The following MYO19 variants were observed in gnomAD, a reference collection of about 807,000 sequenced individuals.
MYO19 encodes the protein unconventional myosin-XIX.
MYO19 carries 132 observed loss-of-function variants against 129.2 expected under a neutral mutation model. The observed-to-expected ratio is 1.02, with a 90% CI of 0.89 to 1.18. The LOEUF (loss-of-function observed/expected upper bound fraction) is 1.18, where lower values mean the gene tolerates loss of function less well. MYO19 is among the 50% of genes most tolerant of loss of function. The probability of loss-of-function intolerance (pLI) is 0.00; values close to 1 mark genes in which losing one functional copy is unlikely to be tolerated. For missense variants in MYO19, 1,210 were observed against 1,216.7 expected, an observed-to-expected ratio of 0.99 and a Z score of 0.08; for synonymous variants, 531 against 477.2, an observed-to-expected ratio of 1.11 and a Z score of -1.47.
intron 5 of MYO19, among the ~76,000 whole-genome samples, chr17:36,526,490 A>C (rs913717193): frequency 2.0e-5 from 3 of 152,180 alleles, no homozygotes; most frequent in African/African-American, 7.2e-5. Flanking sequence ...CAAATAACTT[A>C]TCCTTTTCTC....
At chr17:36,515,732 T>C in intron 7 of MYO19, 126 bp downstream of exon 7, 1 of 1,009,766 alleles carries the variant, frequency 9.9e-7, no homozygotes, top group Non-Finnish European at 1.4e-6. Context: ...TCTGAGGCAG[T>C]GAAGGATACA....
intron 14 of MYO19, 162 bp from the exon 15 acceptor site, chr17:36,508,086 T>A: frequency 1.6e-6 from 1 of 642,760 alleles, no homozygotes; most frequent in Non-Finnish European, 2.4e-6. Flanking sequence ...GAACATACCT[T>A]CCCCACCCTC....
chr17:36,531,555 A>G (rs1040723035), intron 3 of MYO19, among the ~76,000 whole-genome samples: 1 of 152,226 alleles, frequency 6.6e-6, no homozygotes. Context: ...TTTTTGTGTA[A>G]CTTGCTTTAT....
At chr17:36,508,117 T>C (rs996112110) in intron 14 of MYO19, 193 bp from the exon 15 acceptor site, 2 of 505,378 alleles carry the variant, frequency 4.0e-6, no homozygotes, top group Non-Finnish European at 6.7e-6. Flanking sequence ...GGCTCCCATC[T>C]CTACCCCATT....
Position 36,515,186 on chromosome 17 carries a change from C to T in MYO19, c.548-4G>A, listed in dbSNP as rs761930190. 3.7e-6 allele frequency: 6 copies of T among 1,612,134 alleles called. No individual in the cohort carries two copies. The highest frequency in any genetic ancestry group is 1.1e-5 in the South Asian group (1 of 90,496). On this transcript the variant is annotated splice_region_variant and splice_polypyrimidine_tract_variant and intron_variant, in intron 7 of 25. Coordinates refer to ENST00000614623, the MANE Select transcript of MYO19 (RefSeq NM_001163735.2). Reference sequence around the variant, plus strand: ...TTCCTCAGTGTACACGCATTCCCTACAGATCACACCTATGTTTATTTCACT... The same window carrying T: ...TTCCTCAGTGTACACGCATTCCCTATAGATCACACCTATGTTTATTTCACT...
At position 36,498,401 on chromosome 17, in the gene MYO19, A is replaced by C; in HGVS notation, c.2622T>G (p.Ala874=). 1.2e-6 allele frequency: 2 copies of C among 1,614,032 alleles called. No individual in the cohort carries two copies. Among genetic ancestry groups the C allele is most frequent in the Non-Finnish European group, 1.7e-6 (2 of 1,179,886 alleles). The stretch of plus-strand genomic sequence containing the variant: ...TCCTCTGAAAGCTGCCTACACCCAT[A>C]GCCGTATTGGCCAGGACCAGTCCCA... ...WPLGLVLANT[A]MGVGSFQRKL... is the part of the protein sequence containing the mutation. The change falls in exon 25 of 26, where the codon GCT becomes GCG. Residue 874 remains alanine (A), a synonymous_variant. Transcript: ENST00000614623.
Position 36,506,546 on chromosome 17 carries a change from C to A in MYO19, c.1707G>T (p.Gly569=). 2 of 1,588,714 alleles carry A rather than the reference C, an allele frequency of 1.3e-6. No homozygotes were observed. Among genetic ancestry groups the A allele is most frequent in the Admixed American group, 1.9e-5 (1 of 54,026 alleles). The change falls in exon 18 of 26, where the codon GGG becomes GGT. Residue 569 remains glycine, a synonymous_variant. Transcript: ENST00000614623. ...TCTCTTTGGGGTTAGTAGGAAACAG[C>A]CCCATGAGCAGGGGGTCCTGGGATT... ...LQQSQDPLLM[G]LFPTNPKEKT...
upstream of MYO19, chr17:36,537,437 C>G: frequency 1.2e-6 from 2 of 1,614,118 alleles, no homozygotes; most frequent in African/African-American, 1.3e-5. Flanking sequence ...TCCTAAAAAT[C>G]CTTGAAAAAT....
upstream of MYO19, chr17:36,538,155 A>G (rs765678287): frequency 1.2e-6 from 2 of 1,614,082 alleles, no homozygotes; most frequent in Non-Finnish European, 1.7e-6. Flanking sequence ...TAGCCTCTTC[A>G]TATCTCTTTA....
At chr17:36,498,106 C>A in intron 25 of MYO19, 160 bp downstream of exon 25, 1 of 699,656 alleles carries the variant, frequency 1.4e-6, no homozygotes, top group South Asian at 2.4e-5. Context: ...ATAAATAATC[C>A]AAACCTGCAG....
chr17:36,496,871 G>C (rs1053430143), intron 25 of MYO19, among the ~76,000 whole-genome samples: 1 of 152,024 alleles, frequency 6.6e-6, no homozygotes, highest in African/African-American at 2.4e-5. Flanking sequence ...CCAGTGAATG[G>C]GGCAGAACCA....
At chr17:36,499,654 C>CTTTTTCTTTTTTTT (rs1260911885) in intron 23 of MYO19, 1 of 73,092 alleles carries the variant, frequency 1.4e-5, no homozygotes, top group African/African-American at 6.0e-5. Flanking sequence ...TATTCTTTTT[C>CTTTTTCTTTTTTTT]TTTTTGTTTC....
intron 3 of MYO19, among the ~76,000 whole-genome samples, chr17:36,530,621 G>GT (rs1336312048): frequency 1.6e-5 from 2 of 128,656 alleles, no homozygotes; most frequent in East Asian, 4.5e-4. Context: ...AGTGGCTTTT[G>GT]TATTTTTTTT....
intron 2 of MYO19, among the ~76,000 whole-genome samples, chr17:36,541,100 A>C (rs1403788569): frequency 1.3e-5 from 2 of 151,856 alleles, no homozygotes; most frequent in African/African-American, 2.4e-5. Flanking sequence ...GGTGCCCGCC[A>C]CCACACCCGG....
intron 5 of MYO19, among the ~76,000 whole-genome samples, chr17:36,527,099 G>C (rs748138230): frequency 2.6e-5 from 4 of 152,114 alleles, no homozygotes; most frequent in Non-Finnish European, 4.4e-5. Context: ...TCAGGAGGTG[G>C]AGGTTGCGCT....
Position 36,512,180 on chromosome 17 carries a change from A to C in MYO19, c.895-725T>G, listed in dbSNP as rs1377147246. Reference sequence around the variant, plus strand: ...AGCCTGACCAATATGGTGAACCTCCATCTCTACTAAAAATAAACACACACA... The same window carrying C: ...AGCCTGACCAATATGGTGAACCTCCCTCTCTACTAAAAATAAACACACACA... On this transcript the variant is annotated intron_variant, in intron 11 of 25. Transcript: ENST00000614623. Among the ~76,000 whole-genome samples the C allele has an allele frequency of 4.2e-5, 6 of 144,196 alleles. No homozygotes were observed. In the South Asian group the frequency reaches 1.4e-3, roughly 33 times the overall value. 94.6% of individuals were successfully genotyped at this position (144,196 alleles called of 152,430 possible). A position where few individuals can be genotyped will look rare whatever the true frequency, so the allele number is the denominator to read the frequency against.
intron 6 of MYO19, among the ~76,000 whole-genome samples, chr17:36,523,510 T>G (rs189026010): frequency 4.5e-4 from 69 of 152,310 alleles, no homozygotes; most frequent in Admixed American, 2.0e-3. Flanking sequence ...GGGCAATTAT[T>G]TATTTATTAT....
At position 36,507,869 on chromosome 17, in the gene MYO19, C is replaced by G; in HGVS notation, c.1287G>C (p.Leu429Phe). The change falls in exon 15 of 26, where the codon TTG becomes TTC. Residue 429 changes from leucine to phenylalanine, a missense_variant. Leu to Phe is a conservative substitution (Grantham distance 22). Coordinates refer to ENST00000614623, the MANE Select transcript of MYO19 (RefSeq NM_001163735.2). ...ESFPDNSLEQ[L>F]CINYANEKLQ... ...GCTTCTCATTGGCGTAGTTGATGCA[C>G]AACTGTTCCAGACTGTTGTCAGGAA... is the stretch of plus-strand genomic sequence containing the variant. The G allele has an allele frequency of 6.2e-7, 1 of 1,613,656 alleles. No individual in the cohort carries two copies. Among genetic ancestry groups the G allele is most frequent in the Non-Finnish European group, 8.5e-7 (1 of 1,179,690 alleles).
At chr17:36,519,926 A>G (rs1430302007) in intron 6 of MYO19, among the ~76,000 whole-genome samples, 1 of 152,144 alleles carries the variant, frequency 6.6e-6, no homozygotes, top group African/African-American at 2.4e-5. Flanking sequence ...AGTTTTTGTC[A>G]AGATTCCTAT....
Sources: gnomAD v4.1 joint callset for allele counts (sites outside exome capture counted in the v4.1 genomes callset) on GRCh38, gnomAD v4.1.1 for gene constraint, MANE v1.5 for transcripts, NCBI Gene and HGNC (gene_info 2026-07-23, HGNC 2026-07-21) for gene names.